The following ECT2L variants were observed in gnomAD, a reference collection of about 807,000 sequenced individuals.
The protein encoded by ECT2L is epithelial cell transforming 2 like.
A neutral mutation model predicts 122.8 loss-of-function variants in ECT2L; 126 were observed. The ratio of observed to expected loss-of-function variants is 1.03; its 90% confidence interval spans 0.89 to 1.19. The LOEUF is 1.19. Among genes scored for constraint, ECT2L ranks in the 50% most tolerant of loss-of-function variants. The pLI is 0.00. For missense variants in ECT2L, 1,012 were observed against 1,064.1 expected, an observed-to-expected ratio of 0.95 and a Z score of 0.68; for synonymous variants, 385 against 381.8, an observed-to-expected ratio of 1.01 and a Z score of -0.10.
In ECT2L at chr6:138,821,383, C is replaced by T. The variant is rs537356904; in HGVS notation, c.179+6780C>T. 2.6e-4 allele frequency among the ~76,000 whole-genome samples: 39 copies of T among 152,276 alleles called. 1 individual carries two copies. The South Asian group carries it at 7.5e-3, about 29-fold the overall frequency. ...GAAACCAATGGCTTCTTTCTTCCTG[C>T]GCCTCTGTTCTGCCTCTGTAGCCAT... On this transcript the variant is annotated intron_variant, in intron 4 of 21. Transcript: ENST00000541398.
rs147576899 is a variant in ECT2L at position 138,840,560 on chromosome 6, C to T, written c.342+2046C>T. Among the ~76,000 whole-genome samples the T allele has an allele frequency of 8.9e-4, 134 of 151,274 alleles. 1 individual carries two copies. In the East Asian group the frequency reaches 0.023, roughly 26 times the overall value. On this transcript the variant is annotated intron_variant, in intron 5 of 21. Coordinates refer to ENST00000541398, the MANE Select transcript of ECT2L (RefSeq NM_001077706.3). ...TCATACTTAGAGGATTATTTCAATA[C>T]GAAATTTAAATTCTAGGTTGGCAGC...
intron 8 of ECT2L, among the ~76,000 whole-genome samples, chr6:138,847,177 T>C (rs1382070629): frequency 6.6e-6 from 1 of 150,446 alleles, no homozygotes; most frequent in Non-Finnish European, 1.5e-5. Flanking sequence ...GAGTGAGGCA[T>C]GAGAATCGCT....
chr6:138,838,752 A>G (rs961039255), intron 5 of ECT2L, among the ~76,000 whole-genome samples: 4 of 152,240 alleles, frequency 2.6e-5, no homozygotes, highest in African/African-American at 9.6e-5. Context: ...TACTCAGTAT[A>G]ATTGTTTAGA....
At chr6:138,856,928 T>G (rs190987216) in intron 10 of ECT2L, among the ~76,000 whole-genome samples, 3 of 152,212 alleles carry the variant, frequency 2.0e-5, no homozygotes, top group Non-Finnish European at 4.4e-5. Context: ...TCTCTCAGCT[T>G]TGACCTCACC....
intron 20 of ECT2L, among the ~76,000 whole-genome samples, chr6:138,890,038 T>C (rs2128411049): frequency 6.6e-6 from 1 of 152,278 alleles, no homozygotes; most frequent in South Asian, 2.1e-4. Context: ...CATGACTATG[T>C]TCCAATTAAA....
chr6:138,885,418 G>GGCAAAA, intron 16 of ECT2L, 88 bp from the exon 17 acceptor site: 1 of 1,319,912 alleles, frequency 7.6e-7, no homozygotes. Flanking sequence ...TTTTGCTTCA[G>GGCAAAA]GCATTCCATA....
At chr6:138,871,034 A>G (rs1778234417) in intron 13 of ECT2L, among the ~76,000 whole-genome samples, 1 of 152,156 alleles carries the variant, frequency 6.6e-6, no homozygotes, top group African/African-American at 2.4e-5. Flanking sequence ...CCTGGGTGAC[A>G]GAGTGAGACT....
chr6:138,897,418 TAG>T (rs1352785274), intron 20 of ECT2L, among the ~76,000 whole-genome samples: 1 of 152,150 alleles, frequency 6.6e-6, no homozygotes, highest in African/African-American at 2.4e-5. Context: ...ATAAGTAACC[TAG>T]AGAGAATATG....
At chr6:138,832,750 TG>T (rs200051378) in intron 4 of ECT2L, among the ~76,000 whole-genome samples, 4 of 150,650 alleles carry the variant, frequency 2.7e-5, no homozygotes, top group East Asian at 2.0e-4. Context: ...GTTTTTTTGT[TG>T]TTTTTTTTTT....
intron 11 of ECT2L, among the ~76,000 whole-genome samples, chr6:138,863,470 G>C (rs1053690722): frequency 2.0e-5 from 3 of 152,168 alleles, no homozygotes; most frequent in African/African-American, 7.2e-5. Context: ...ACATAGTTTT[G>C]AAGCAGAGGT....
intron 5 of ECT2L, among the ~76,000 whole-genome samples, chr6:138,841,527 T>C (rs6931944): frequency 0.016 from 2,488 of 152,334 alleles, 64 homozygotes; most frequent in African/African-American, 0.056. Flanking sequence ...GCTGGTGTGA[T>C]TACCAAGCCT....
rs758147493 is a variant in ECT2L at position 138,885,714 on chromosome 6, G to T, written c.2143G>T (p.Glu715Ter). The T allele has an allele frequency of 6.8e-6, 11 of 1,614,176 alleles. No individual in the cohort carries two copies. Among genetic ancestry groups the T allele is most frequent in the Non-Finnish European group, 9.3e-6 (11 of 1,180,032 alleles). Residue 715 changes from glutamate (E) to a stop codon, truncating the protein, a stop_gained, in exon 18 of 22, where the codon GAA becomes TAA. Transcript: ENST00000541398. LOFTEE classifies it high-confidence loss of function. ...GCTGTACCCATCCCGAAGATTTGAA[G>T]AATACCTTAATCTTCTCTACGCTGT... is the stretch of plus-strand genomic sequence containing the variant. ...LLLYPSRRFE[E>*]YLNLLYAVRL...
chr6:138,838,919 T>C lies in ECT2L; in HGVS notation c.342+405T>C, dbSNP rs532743096. On this transcript the variant is annotated intron_variant, in intron 5 of 21. Transcript: ENST00000541398. Reference sequence around the variant, plus strand: ...ACCTCAGCCTCCTGAGTAGCTGGGATTACAGGCGCGTGCCACCACGCCCAG... The same window carrying C: ...ACCTCAGCCTCCTGAGTAGCTGGGACTACAGGCGCGTGCCACCACGCCCAG... Among the ~76,000 whole-genome samples the C allele has an allele frequency of 2.1e-4, 32 of 152,220 alleles. 1 individual carries two copies. The South Asian group carries it at 4.2e-3, about 20-fold the overall frequency.
At chr6:138,894,747 CTTCT>C (rs1779154296) in intron 20 of ECT2L, among the ~76,000 whole-genome samples, 1 of 152,160 alleles carries the variant, frequency 6.6e-6, no homozygotes, top group Non-Finnish European at 1.5e-5. Flanking sequence ...GGAACTGCCT[CTTCT>C]TTTTCTTTAA....
intron 10 of ECT2L, among the ~76,000 whole-genome samples, chr6:138,860,187 T>C (rs1777773296): frequency 1.3e-5 from 2 of 152,322 alleles, no homozygotes; most frequent in Admixed American, 1.3e-4. Context: ...TAGATCATCT[T>C]TGGCATCATA....
At chr6:138,899,227 T>C (rs1779316169) in intron 20 of ECT2L, among the ~76,000 whole-genome samples, 1 of 151,788 alleles carries the variant, frequency 6.6e-6, no homozygotes, top group South Asian at 2.1e-4. Context: ...AAAGCAAATG[T>C]CCATCAAAGG....
intron 4 of ECT2L, among the ~76,000 whole-genome samples, chr6:138,825,266 G>C (rs997802401): frequency 5.3e-5 from 8 of 152,128 alleles, no homozygotes; most frequent in African/African-American, 1.9e-4. Context: ...CCAATACCAG[G>C]CTTTTGTAGA....
intron 1 of ECT2L, among the ~76,000 whole-genome samples, chr6:138,804,148 A>G (rs578120780): frequency 6.6e-6 from 1 of 152,270 alleles, no homozygotes; most frequent in African/African-American, 2.4e-5. Flanking sequence ...TTGAGCCAAA[A>G]TCTTCCTCTC....
At chr6:138,873,890 G>GTGTGTGTA (rs1778346411) in intron 13 of ECT2L, among the ~76,000 whole-genome samples, 1 of 130,606 alleles carries the variant, frequency 7.7e-6, no homozygotes, top group African/African-American at 2.9e-5. Flanking sequence ...GTGTGTGTGT[G>GTGTGTGTA]TGTGTGTGTG....
Sources: gnomAD v4.1 joint callset for allele counts (sites outside exome capture counted in the v4.1 genomes callset) on GRCh38, gnomAD v4.1.1 for gene constraint, MANE v1.5 for transcripts, NCBI Gene and HGNC (gene_info 2026-07-23, HGNC 2026-07-21) for gene names.